Variants in GRIK1 observed in about 807,000 individuals in gnomAD.
The protein encoded by GRIK1 is glutamate ionotropic receptor kainate type subunit 1, also known as glutamate receptor ionotropic, kainate 1.
Under a neutral mutation model 105.7 loss-of-function variants are expected in GRIK1, and 69 were observed. The observed-to-expected ratio is 0.65, with a 90% CI of 0.54 to 0.80. The LOEUF (loss-of-function observed/expected upper bound fraction) is 0.80. Ranked by LOEUF, GRIK1 falls within the 30% of genes least tolerant of loss-of-function variation. The probability of loss-of-function intolerance (pLI) is 0.00; values close to 1 mark genes in which losing one functional copy is unlikely to be tolerated. For synonymous variants in GRIK1, 438 were observed against 431.3 expected, an observed-to-expected ratio of 1.02 and a Z score of -0.19; for missense variants, 1,109 against 1,167.3, an observed-to-expected ratio of 0.95 and a Z score of 0.73.
chr21:29,811,038 C>T (rs2066996679), intron 1 of GRIK1, among the ~76,000 whole-genome samples: 1 of 152,152 alleles, frequency 6.6e-6, no homozygotes. Context: ...TTATTTAGCT[C>T]TGATGAATGC....
chr21:29,701,968 C>T (rs993390875), intron 1 of GRIK1, among the ~76,000 whole-genome samples: 1 of 152,180 alleles, frequency 6.6e-6, no homozygotes, highest in East Asian at 1.9e-4. Flanking sequence ...AGGTACTTGA[C>T]TTGGGACATG....
At chr21:29,639,398 C>A (rs949890615) in intron 7 of GRIK1, among the ~76,000 whole-genome samples, 3 of 152,156 alleles carry the variant, frequency 2.0e-5, no homozygotes, top group Non-Finnish European at 4.4e-5. Flanking sequence ...AGGTACAAAG[C>A]CTACATCTGT....
At chr21:29,733,708 A>ATTGTTT (rs985014538) in intron 1 of GRIK1, among the ~76,000 whole-genome samples, 1 of 152,014 alleles carries the variant, frequency 6.6e-6, no homozygotes, top group African/African-American at 2.4e-5. Context: ...GAGGAAAAGG[A>ATTGTTT]TTGTTTTGCT....
At position 29,858,481 on chromosome 21, in the gene GRIK1, C is replaced by A. The variant is rs139511525; in HGVS notation, c.118+80902G>T. ...CTCCTTCCTTTAGGAAGTGACTCCCCGGCGGCTGTTCCTATGGGGACCCAG... is the reference window on the plus strand; with the variant it reads ...CTCCTTCCTTTAGGAAGTGACTCCCAGGCGGCTGTTCCTATGGGGACCCAG... On this transcript the variant is annotated intron_variant, in intron 1 of 17. Coordinates refer to ENST00000327783, the MANE Select transcript of GRIK1 (RefSeq NM_001330994.2). Among the ~76,000 whole-genome samples the A allele has an allele frequency of 2.7e-3, 414 of 152,222 alleles. 2 individuals carry two copies. Among genetic ancestry groups the A allele is most frequent in the African/African-American group, 9.4e-3 (390 of 41,520 alleles).
At chr21:29,573,853 GA>G (rs35503363) in intron 14 of GRIK1, among the ~76,000 whole-genome samples, 6,476 of 114,076 alleles carry the variant, frequency 0.057, 443 homozygotes, top group African/African-American at 0.18. Context: ...ACTCCGTCTG[GA>G]AAAAAAAAAA....
chr21:29,592,334 A>G lies in GRIK1; in HGVS notation c.1252-1109T>C, dbSNP rs146143401. 2.0e-4 allele frequency among the ~76,000 whole-genome samples: 31 copies of G among 152,298 alleles called. No homozygotes were observed. In the East Asian group the frequency reaches 5.4e-3, roughly 27 times the overall value. On this transcript the variant is annotated intron_variant, in intron 9 of 17. Transcript: ENST00000327783. ...CACTGATTTTACTGTCACAAAACCA[A>G]CCATGGCAACTGGCATTCAGTAAAG...
At chr21:29,817,716 C>T (rs2067191675) in intron 1 of GRIK1, among the ~76,000 whole-genome samples, 1 of 152,120 alleles carries the variant, frequency 6.6e-6, no homozygotes, top group South Asian at 2.1e-4. Flanking sequence ...AGCAGACCTG[C>T]AGCCACCATG....
chr21:29,742,352 A>G (rs1376489299), intron 1 of GRIK1, among the ~76,000 whole-genome samples: 7 of 152,224 alleles, frequency 4.6e-5, no homozygotes, highest in Non-Finnish European at 8.8e-5. Context: ...CCACACAAAC[A>G]TAGAAGGATG....
intron 16 of GRIK1, among the ~76,000 whole-genome samples, chr21:29,552,854 C>T (rs1234860806): frequency 1.3e-5 from 2 of 151,936 alleles, no homozygotes; most frequent in African/African-American, 2.4e-5. Context: ...TGAATTTCTG[C>T]CCAGGAATTA....
intron 1 of GRIK1, among the ~76,000 whole-genome samples, chr21:29,753,471 T>C (rs941856654): frequency 6.6e-6 from 1 of 152,210 alleles, no homozygotes; most frequent in Non-Finnish European, 1.5e-5. Context: ...GAATCAATGT[T>C]GGACTCTCCG....
intron 12 of GRIK1, among the ~76,000 whole-genome samples, chr21:29,584,357 C>T (rs533220927): frequency 9.2e-4 from 139 of 151,790 alleles, no homozygotes; most frequent in African/African-American, 2.8e-3. Flanking sequence ...TTTAAGAAGA[C>T]GAACATAAAT....
chr21:29,812,835 G>C (rs940467944), intron 1 of GRIK1, among the ~76,000 whole-genome samples: 8 of 152,126 alleles, frequency 5.3e-5, no homozygotes, highest in African/African-American at 1.9e-4. Flanking sequence ...TTTTCCAAAC[G>C]CAAGAAACCT....
At chr21:29,744,706 T>C (rs1286720388) in intron 1 of GRIK1, among the ~76,000 whole-genome samples, 2 of 152,216 alleles carry the variant, frequency 1.3e-5, no homozygotes, top group Non-Finnish European at 2.9e-5. Flanking sequence ...TTGTTATCTG[T>C]TCTTTCCATG....
At chr21:29,723,784 CT>C (rs56285910) in intron 1 of GRIK1, among the ~76,000 whole-genome samples, 6,535 of 148,804 alleles carry the variant, frequency 0.044, 205 homozygotes, top group Non-Finnish European at 0.067. Flanking sequence ...TTTACTCATT[CT>C]TTTTTTTTTG....
At chr21:29,709,987 C>T (rs1249775249) in intron 1 of GRIK1, among the ~76,000 whole-genome samples, 2 of 151,450 alleles carry the variant, frequency 1.3e-5, no homozygotes, top group African/African-American at 4.8e-5. Context: ...AATAGAAAAG[C>T]CTGTACTATT....
At chr21:29,872,040 A>C (rs1334706713) in intron 1 of GRIK1, among the ~76,000 whole-genome samples, 5 of 151,258 alleles carry the variant, frequency 3.3e-5, no homozygotes, top group African/African-American at 9.7e-5. Flanking sequence ...CTGGGATTAC[A>C]GGCATGAGCC....
intron 1 of GRIK1, among the ~76,000 whole-genome samples, chr21:29,788,225 C>T (rs893827722): frequency 5.3e-5 from 8 of 152,104 alleles, no homozygotes; most frequent in African/African-American, 9.7e-5. Context: ...TGAAATGAAG[C>T]AGGATGAGGA....
intron 1 of GRIK1, among the ~76,000 whole-genome samples, chr21:29,929,237 G>C (rs943938227): frequency 8.5e-5 from 13 of 152,328 alleles, no homozygotes; most frequent in African/African-American, 3.1e-4. Flanking sequence ...ACCACCGGAA[G>C]TGGAAGTACT....
chr21:29,846,469 GAAAGAAAGAA>G (rs1569154694), intron 1 of GRIK1, among the ~76,000 whole-genome samples: 8 of 48,398 alleles, frequency 1.7e-4, no homozygotes, highest in East Asian at 1.1e-3. Context: ...GAGAGAGAAA[GAAAGAAAGAA>G]AGAAAGAAAG....
Sources: gnomAD v4.1 joint callset for allele counts (sites outside exome capture counted in the v4.1 genomes callset) on GRCh38, gnomAD v4.1.1 for gene constraint, MANE v1.5 for transcripts, NCBI Gene and HGNC (gene_info 2026-07-23, HGNC 2026-07-21) for gene names.